ATP1B3: variants seen among roughly 807,000 people sequenced by gnomAD.
The protein encoded by ATP1B3 is sodium/potassium-transporting ATPase subunit beta-3.
Under a neutral mutation model 30.2 loss-of-function variants are expected in ATP1B3, and 10 were observed. The ratio of observed to expected loss-of-function variants is 0.33; its 90% CI spans 0.20 to 0.56. The LOEUF (loss-of-function observed/expected upper bound fraction) is 0.56. Among genes scored for constraint, ATP1B3 ranks in the 20% least tolerant of loss-of-function variants. The probability of loss-of-function intolerance (pLI) is 0.90; values close to 1 mark genes in which losing one functional copy is unlikely to be tolerated. For missense variants in ATP1B3, 238 were observed against 336.7 expected (o/e 0.71, Z 2.29); for synonymous variants, 113 against 117.0 (o/e 0.97, Z 0.22).
Position 141,876,653 on chromosome 3 carries a change from A to C in ATP1B3, c.-149A>C. On this transcript the variant is annotated 5_prime_UTR_variant, in exon 1 of 7. Transcript: ENST00000286371. ...GGCGCGGCGCGGCGCAGTCGGCTCG[A>C]GTACTCCCCGTAACGAGGAGGTGTT... 2.1e-6 allele frequency: 1 copy of C among 477,806 alleles called. No homozygotes were observed. The highest frequency in any genetic ancestry group is 3.7e-6 in the Non-Finnish European group (1 of 273,238). 29.6% of individuals were successfully genotyped at this position (477,806 alleles called of 1,614,324 possible).
At chr3:141,917,434 G>A (rs1355144501) in intron 5 of ATP1B3, among the ~76,000 whole-genome samples, 3 of 151,892 alleles carry the variant, frequency 2.0e-5, no homozygotes, top group South Asian at 4.2e-4. Flanking sequence ...AGTGGCTCGC[G>A]CCTGTAATCC....
intron 3 of ATP1B3, among the ~76,000 whole-genome samples, chr3:141,911,253 A>G (rs556776499): frequency 6.6e-6 from 1 of 152,074 alleles, no homozygotes; most frequent in South Asian, 2.1e-4. Context: ...TTTTTACTTA[A>G]TTAGACTTTC....
At chr3:141,916,551 T>G in intron 5 of ATP1B3, 1 of 1,288,148 alleles carries the variant, frequency 7.8e-7, no homozygotes, top group Admixed American at 2.3e-5. Context: ...CAAATGCCAC[T>G]AAGACAAATA....
At chr3:141,882,560 C>G (rs1174823195) in intron 1 of ATP1B3, among the ~76,000 whole-genome samples, 1 of 152,066 alleles carries the variant, frequency 6.6e-6, no homozygotes, top group Non-Finnish European at 1.5e-5. Flanking sequence ...ACTCCCAAAG[C>G]TGCATATCTA....
chr3:141,890,573 G>A (rs1311743891), intron 1 of ATP1B3, among the ~76,000 whole-genome samples: 2 of 151,936 alleles, frequency 1.3e-5, no homozygotes, highest in African/African-American at 4.8e-5. Flanking sequence ...ACAGTGCTAG[G>A]ATTACAGGCG....
intron 1 of ATP1B3, chr3:141,902,090 A>G (rs1183445348): frequency 7.9e-7 from 1 of 1,260,708 alleles, no homozygotes; most frequent in East Asian, 5.6e-5. Flanking sequence ...CCTCTATAGC[A>G]AACTGTTTAC....
At chr3:141,898,263 C>T (rs1934104711) in intron 1 of ATP1B3, among the ~76,000 whole-genome samples, 1 of 152,098 alleles carries the variant, frequency 6.6e-6, no homozygotes, top group Admixed American at 6.6e-5. Context: ...AGTGGTTCTT[C>T]ATCAAAATTA....
At chr3:141,898,295 CATT>C (rs1280304937) in intron 1 of ATP1B3, among the ~76,000 whole-genome samples, 4 of 152,112 alleles carry the variant, frequency 2.6e-5, no homozygotes, top group Admixed American at 6.5e-5. Flanking sequence ...GCTTAAATAA[CATT>C]ATTAGGAAAG....
intron 5 of ATP1B3, among the ~76,000 whole-genome samples, chr3:141,919,592 T>G (rs928434200): frequency 8.5e-5 from 13 of 152,198 alleles, no homozygotes; most frequent in African/African-American, 3.1e-4. Flanking sequence ...TTTGTTTCAG[T>G]GGAACTTAGT....
Position 141,889,772 on chromosome 3 carries a change from C to T in ATP1B3, c.109+12862C>T, listed in dbSNP as rs1211668289. Among the ~76,000 whole-genome samples, 680 of 137,800 alleles carry T rather than the reference C, an allele frequency of 4.9e-3. 26 individuals are homozygous for T. The highest frequency in any genetic ancestry group is 0.014 in the African/African-American group (503 of 35,014). The allele number at this position is 137,800 out of a possible 152,430, so 90.4% of individuals were successfully genotyped here. A position where few individuals can be genotyped will look rare whatever the true frequency, so the allele number is the denominator to read the frequency against. ...AAAAATATATACACACACACACACA[C>T]ACACACACACACACACACACACACG... On this transcript the variant is annotated intron_variant, in intron 1 of 6. Coordinates refer to ENST00000286371, the MANE Select transcript of ATP1B3 (RefSeq NM_001679.4).
At chr3:141,924,223 A>G (rs1934614680) in intron 6 of ATP1B3, among the ~76,000 whole-genome samples, 1 of 151,928 alleles carries the variant, frequency 6.6e-6, no homozygotes, top group South Asian at 2.1e-4. Context: ...ACACTCCTGT[A>G]ATCCCAGCTA....
chr3:141,925,418 C>T lies in ATP1B3; in HGVS notation c.670-113C>T, dbSNP rs372941734. 1.8e-5 allele frequency: 20 copies of T among 1,137,694 alleles called. 1 individual carries two copies. In the African/African-American group the frequency reaches 3.1e-4, roughly 18 times the overall value. 70.5% of individuals were successfully genotyped at this position (1,137,694 alleles called of 1,614,324 possible). On this transcript the variant is annotated intron_variant, in intron 6 of 6. Coordinates refer to ENST00000286371, the MANE Select transcript of ATP1B3 (RefSeq NM_001679.4). ...GAGCCATAATTGCACCACTGCACTGCAGCCTGGGCAACAGTCTCAAAAAGA... is the reference window on the plus strand; with the variant it reads ...GAGCCATAATTGCACCACTGCACTGTAGCCTGGGCAACAGTCTCAAAAAGA...
intron 6 of ATP1B3, among the ~76,000 whole-genome samples, chr3:141,923,107 G>A (rs1354295193): frequency 2.0e-5 from 3 of 152,020 alleles, no homozygotes; most frequent in African/African-American, 2.4e-5. Flanking sequence ...GTGAAACCCC[G>A]TCTCTGCTGA....
intron 1 of ATP1B3, among the ~76,000 whole-genome samples, chr3:141,881,376 A>G (rs902405786): frequency 1.3e-5 from 2 of 152,190 alleles, no homozygotes; most frequent in African/African-American, 4.8e-5. Flanking sequence ...AAGCCTAGTC[A>G]GAATTCTGGA....
intron 1 of ATP1B3, among the ~76,000 whole-genome samples, chr3:141,889,091 G>T (rs1933886870): frequency 6.6e-6 from 1 of 152,038 alleles, no homozygotes; most frequent in South Asian, 2.1e-4. Context: ...GAGCCAAGGG[G>T]GAAGTGCCAC....
chr3:141,885,880 AACACACACACACACAC>A lies in ATP1B3; in HGVS notation c.109+8999_109+9014del, dbSNP rs146684460. On this transcript the variant is annotated intron_variant, in intron 1 of 6. Coordinates refer to ENST00000286371, the MANE Select transcript of ATP1B3 (RefSeq NM_001679.4). ...TTCCAGCTTTTATCTGCTGCGTTAA[AACACACACACACACAC>A]ACACACACACACACACACACACACA... 5.6e-3 allele frequency among the ~76,000 whole-genome samples: 790 copies of A among 141,742 alleles called. 1 individual carries two copies. Among genetic ancestry groups the A allele is most frequent in the East Asian group, 0.022 (107 of 4,828 alleles). The allele number at this position is 141,742 out of a possible 152,430, so 93.0% of individuals were successfully genotyped here.
At chr3:141,914,194 TC>T (rs1218484448) in intron 4 of ATP1B3, among the ~76,000 whole-genome samples, 2 of 152,240 alleles carry the variant, frequency 1.3e-5, no homozygotes, top group Non-Finnish European at 2.9e-5. Context: ...CATCTGTGAA[TC>T]CTGTGTTGTA....
intron 1 of ATP1B3, among the ~76,000 whole-genome samples, chr3:141,887,917 G>A (rs1472328432): frequency 6.6e-6 from 1 of 152,224 alleles, no homozygotes; most frequent in Non-Finnish European, 1.5e-5. Flanking sequence ...CAGGGAGAAT[G>A]ACTAGGAAGG....
rs146684460 is a variant in ATP1B3 at position 141,885,880 on chromosome 3, A to AACACACACACAC, written c.109+9003_109+9014dup. ...TTCCAGCTTTTATCTGCTGCGTTAA[A>AACACACACACAC]ACACACACACACACACACACACACA... On this transcript the variant is annotated intron_variant, in intron 1 of 6. Coordinates refer to ENST00000286371, the MANE Select transcript of ATP1B3 (RefSeq NM_001679.4). Among the ~76,000 whole-genome samples the AACACACACACAC allele has an allele frequency of 2.5e-4, 35 of 141,740 alleles. 1 individual carries two copies. The highest frequency in any genetic ancestry group is 4.7e-4 in the South Asian group (2 of 4,298). The allele number at this position is 141,740 out of a possible 152,430, so 93.0% of individuals were successfully genotyped here.
Sources: gnomAD v4.1 joint callset for allele counts (sites outside exome capture counted in the v4.1 genomes callset) on GRCh38, gnomAD v4.1.1 for gene constraint, MANE v1.5 for transcripts, NCBI Gene and HGNC (gene_info 2026-07-23, HGNC 2026-07-21) for gene names.